Variants in PSD3 observed in about 807,000 individuals in gnomAD.
PSD3 encodes the protein pleckstrin and Sec7 domain containing 3, also known as PH and SEC7 domain-containing protein 3.
In PSD3, 49 loss-of-function variants were observed where a neutral mutation model predicts 105.5. The observed-to-expected ratio is 0.46, with a 90% CI of 0.37 to 0.59. The LOEUF (loss-of-function observed/expected upper bound fraction) is 0.59. Among genes scored for constraint, PSD3 ranks in the 20% least tolerant of loss-of-function variants. PSD3 has a pLI of 0.00. For synonymous variants in PSD3, 557 were observed against 457.8 expected (o/e 1.22, Z -2.77); for missense variants, 1,561 against 1,263.8 (o/e 1.24, Z -3.57).
At chr8:18,720,493 C>T (rs1208503099) in intron 9 of PSD3, among the ~76,000 whole-genome samples, 1 of 152,164 alleles carries the variant, frequency 6.6e-6, no homozygotes, top group African/African-American at 2.4e-5. Flanking sequence ...TATCCTCAGA[C>T]TACCTGGAAT....
intron 4 of PSD3, among the ~76,000 whole-genome samples, chr8:18,834,764 G>C (rs1032555751): frequency 2.6e-5 from 4 of 152,210 alleles, no homozygotes; most frequent in Non-Finnish European, 4.4e-5. Flanking sequence ...AGATGGCAGA[G>C]AGAAGCAGAC....
intron 2 of PSD3, among the ~76,000 whole-genome samples, chr8:18,925,196 G>A (rs1334845119): frequency 6.6e-6 from 1 of 152,072 alleles, no homozygotes; most frequent in East Asian, 1.9e-4. Flanking sequence ...AGACCTGCCG[G>A]GGCAGCACAG....
At chr8:18,871,503 T>G in intron 3 of PSD3, 123 bp downstream of exon 3, 1 of 1,286,098 alleles carries the variant, frequency 7.8e-7, no homozygotes, top group East Asian at 2.3e-5. Context: ...GTAACTCATC[T>G]TATATTCCAT....
Position 18,568,235 on chromosome 8 carries a change from T to C in PSD3, c.2784+4293A>G, listed in dbSNP as rs367950396. Among the ~76,000 whole-genome samples the C allele has an allele frequency of 2.8e-3, 424 of 152,160 alleles. 2 individuals are homozygous for C. The highest frequency in any genetic ancestry group is 9.7e-3 in the African/African-American group (402 of 41,534). On this transcript the variant is annotated intron_variant, in intron 14 of 15. Transcript: ENST00000327040. ...AAATGGGCTAAGATACCCAGTGACC[T>C]CCCAGCCACTAAATATCACATTTTT...
intron 10 of PSD3, 50 bp from the exon 11 acceptor site, chr8:18,632,856 CAAAGA>C (rs780823696): frequency 1.5e-6 from 2 of 1,376,202 alleles, no homozygotes; most frequent in African/African-American, 3.0e-5. Flanking sequence ...TCATAATATT[CAAAGA>C]AAAAGGTAAG....
At chr8:18,631,941 C>G (rs920616493) in intron 11 of PSD3, among the ~76,000 whole-genome samples, 1 of 151,942 alleles carries the variant, frequency 6.6e-6, no homozygotes, top group South Asian at 2.1e-4. Context: ...TATCAAATTG[C>G]TATTTCACTC....
intron 1 of PSD3, among the ~76,000 whole-genome samples, chr8:19,009,827 G>T (rs933042754): frequency 1.3e-5 from 2 of 152,090 alleles, no homozygotes; most frequent in African/African-American, 4.8e-5. Context: ...AGAGGCAGGG[G>T]TTGCAGTGAG....
At chr8:18,801,039 T>C (rs1810635110) in intron 7 of PSD3, 1 of 337,410 alleles carries the variant, frequency 3.0e-6, no homozygotes, top group African/African-American at 2.1e-5. Flanking sequence ...TAAAGAATAT[T>C]TAATGACATG....
rs764024351 is a variant in PSD3 at position 18,897,081 on chromosome 8, A to G, written c.131-24348T>C. Among the ~76,000 whole-genome samples, 3 of 152,318 alleles carry G rather than the reference A, an allele frequency of 2.0e-5. No individual in the cohort carries two copies. The South Asian group carries it at 6.2e-4, about 32-fold the overall frequency. Reference sequence around the variant, plus strand: ...CTGAGCCTCCCAAAGTGCTGGGATTACAGGCGTGAGCCACCGTGCCCGGCC... The same window carrying G: ...CTGAGCCTCCCAAAGTGCTGGGATTGCAGGCGTGAGCCACCGTGCCCGGCC... On this transcript the variant is annotated intron_variant, in intron 2 of 15. Transcript: ENST00000327040.
chr8:18,732,863 C>T (rs1277535682), intron 9 of PSD3: 1 of 151,874 alleles, frequency 6.6e-6, no homozygotes, highest in African/African-American at 2.4e-5. Flanking sequence ...ACAAGCCCCA[C>T]TATTGTGAAC....
At chr8:18,690,684 CT>C (rs1170057818) in intron 9 of PSD3, among the ~76,000 whole-genome samples, 2 of 152,212 alleles carry the variant, frequency 1.3e-5, no homozygotes, top group Non-Finnish European at 2.9e-5. Flanking sequence ...CACACCACCG[CT>C]TTCCTAAACG....
At chr8:18,572,781 C>A (rs1265853905) in intron 13 of PSD3, 109 bp from the exon 14 acceptor site, 5 of 1,242,754 alleles carry the variant, frequency 4.0e-6, no homozygotes, top group Non-Finnish European at 5.6e-6. Context: ...ATCATTTACT[C>A]CTCCTGGTAC....
At chr8:18,911,902 C>T (rs79026988) in intron 2 of PSD3, among the ~76,000 whole-genome samples, 7,530 of 152,212 alleles carry the variant, frequency 0.049, 205 homozygotes, top group Admixed American at 0.081. Context: ...CAGCCTACAC[C>T]GTAACTTAAT....
intron 9 of PSD3, among the ~76,000 whole-genome samples, chr8:18,754,276 C>G (rs564428185): frequency 1.3e-5 from 2 of 151,820 alleles, no homozygotes; most frequent in African/African-American, 4.8e-5. Context: ...CCCAACTACT[C>G]GGGAGGCTAA....
chr8:18,540,664 G>C (rs191045133), intron 15 of PSD3, among the ~76,000 whole-genome samples: 1 of 152,114 alleles, frequency 6.6e-6, no homozygotes, highest in African/African-American at 2.4e-5. Flanking sequence ...TCCTCCCACA[G>C]TCGCCTGACT....
chr8:18,716,289 G>A lies in PSD3; in HGVS notation c.2172+49160C>T, dbSNP rs139996509. Among the ~76,000 whole-genome samples the A allele has an allele frequency of 2.7e-3, 412 of 152,252 alleles. 2 individuals carry two copies. The highest frequency in any genetic ancestry group is 4.9e-3 in the Non-Finnish European group (336 of 68,020). ...ACACACCTCATATGGTGTGTCTGACGGTGGCATCAAACCACAACCAGAACC... is the reference window on the plus strand; with the variant it reads ...ACACACCTCATATGGTGTGTCTGACAGTGGCATCAAACCACAACCAGAACC... On this transcript the variant is annotated intron_variant, in intron 9 of 15. Transcript: ENST00000327040.
chr8:18,581,763 G>C (rs1463483881), intron 12 of PSD3, among the ~76,000 whole-genome samples: 1 of 152,214 alleles, frequency 6.6e-6, no homozygotes, highest in Non-Finnish European at 1.5e-5. Context: ...GTCAGGACAA[G>C]TGTTTTCAGG....
chr8:18,845,965 G>A (rs574354553), intron 4 of PSD3, among the ~76,000 whole-genome samples: 4 of 152,156 alleles, frequency 2.6e-5, no homozygotes, highest in Non-Finnish European at 4.4e-5. Flanking sequence ...AATACTGTTC[G>A]CCTAAATCAA....
At chr8:18,554,457 C>T (rs896297525) in intron 15 of PSD3, among the ~76,000 whole-genome samples, 1 of 152,036 alleles carries the variant, frequency 6.6e-6, no homozygotes, top group African/African-American at 2.4e-5. Context: ...GAAACGTTTA[C>T]CTTTACCAAA....
Sources: allele counts gnomAD v4.1 joint callset (sites outside exome capture counted in the v4.1 genomes callset), GRCh38; gene constraint gnomAD v4.1.1; transcripts MANE v1.5; gene names NCBI Gene and HGNC (gene_info 2026-07-23, HGNC 2026-07-21).